Variants in CEP15 observed in about 807,000 individuals in gnomAD.
The protein encoded by CEP15 is centrosomal protein 15, also known as centrosomal protein 15 kDa.
the CEP15 span, chr3:62,336,149 T>TA: frequency 3.9e-5 from 6 of 152,118 alleles, no homozygotes; most frequent in African/African-American, 7.2e-5. This position sits in a 1 kb window ranked among gnomAD's most constrained non-coding sequence, Gnocchi z 4.4. Flanking sequence ...CCTTTTTCCA[T>TA]AAAAAATAAA....
chr3:62,325,670 C>A, the CEP15 span, among the ~76,000 whole-genome samples: 1 of 152,136 alleles, frequency 6.6e-6, no homozygotes, highest in Non-Finnish European at 1.5e-5. Context: ...TTTATAAATA[C>A]TGCCACACTG....
chr3:62,319,102 C>G, the CEP15 span: 1 of 152,326 alleles, frequency 6.6e-6, no homozygotes, highest in African/African-American at 2.4e-5. Context: ...GCCTGACGGC[C>G]GCGCAGGGCC....
chr3:62,320,421 G>A, the CEP15 span: 10 of 1,464,580 alleles, frequency 6.8e-6, no homozygotes, highest in Non-Finnish European at 8.6e-6. Flanking sequence ...GAGGACATGT[G>A]GTAGAAGTAA....
At chr3:62,319,498 G>A in the CEP15 span, 1 of 152,164 alleles carries the variant, frequency 6.6e-6, no homozygotes, top group Non-Finnish European at 1.5e-5. Flanking sequence ...AGGCAGCCAC[G>A]CCCAGAGGAG....
the CEP15 span, among the ~76,000 whole-genome samples, chr3:62,323,162 T>C: frequency 6.6e-6 from 1 of 152,194 alleles, no homozygotes; most frequent in South Asian, 2.1e-4. Flanking sequence ...TCCTTACTAT[T>C]GAGCTAGTTC....
the CEP15 span, among the ~76,000 whole-genome samples, chr3:62,324,411 ATAAAT>A: frequency 6.6e-6 from 1 of 152,162 alleles, no homozygotes; most frequent in Non-Finnish European, 1.5e-5. Context: ...CTGGGGAAAA[ATAAAT>A]AAATAAGACT....
chr3:62,333,301 A>G, the CEP15 span: 1 of 1,611,716 alleles, frequency 6.2e-7, no homozygotes, highest in Non-Finnish European at 8.5e-7. The surrounding 1 kb of genome is among the most constrained non-coding windows in gnomAD (Gnocchi z 4.0). Context: ...AAATGGGAAC[A>G]GTTTCTTTTA....
At chr3:62,334,965 A>G in the CEP15 span, 2 of 151,996 alleles carry the variant, frequency 1.3e-5, no homozygotes, top group African/African-American at 4.8e-5. This position sits in a 1 kb window ranked among gnomAD's most constrained non-coding sequence, Gnocchi z 4.9. Flanking sequence ...GCATATGCAC[A>G]TAAGAAGGTG....
the CEP15 span, chr3:62,322,179 A>G: frequency 1.0e-6 from 1 of 991,940 alleles, no homozygotes; most frequent in Non-Finnish European, 1.5e-6. The surrounding 1 kb of genome is among the most constrained non-coding windows in gnomAD (Gnocchi z 5.5). Flanking sequence ...CTAAAGCAGC[A>G]TCTTTTTTAA....
the CEP15 span, among the ~76,000 whole-genome samples, chr3:62,331,773 T>A: frequency 6.6e-6 from 1 of 152,262 alleles, no homozygotes; most frequent in Non-Finnish European, 1.5e-5. Flanking sequence ...TTTAGTCCCT[T>A]CACCAAAAAT....
the CEP15 span, chr3:62,331,513 T>C: frequency 1.1e-6 from 1 of 897,508 alleles, no homozygotes; most frequent in Non-Finnish European, 1.7e-6. Context: ...TTCAGTAAAT[T>C]AAAGAAGATA....
At chr3:62,330,833 CAT>C in the CEP15 span, among the ~76,000 whole-genome samples, 1 of 152,028 alleles carries the variant, frequency 6.6e-6, no homozygotes, top group Non-Finnish European at 1.5e-5. Flanking sequence ...TTAAATTGAA[CAT>C]TGAATAAATG....
chr3:62,334,224 G>A, the CEP15 span: 47 of 148,454 alleles, frequency 3.2e-4, no homozygotes, highest in South Asian at 9.8e-3. The surrounding 1 kb of genome is among the most constrained non-coding windows in gnomAD (Gnocchi z 4.9). Flanking sequence ...GTCCACCACT[G>A]CTTGAGCACT....
chr3:62,321,204 A>G, the CEP15 span, among the ~76,000 whole-genome samples: 6 of 152,300 alleles, frequency 3.9e-5, no homozygotes, highest in East Asian at 1.2e-3. The surrounding 1 kb of genome is among the most constrained non-coding windows in gnomAD (Gnocchi z 4.1). Flanking sequence ...TAATCATCTT[A>G]CATATTGTCC....
the CEP15 span, chr3:62,320,525 G>C: frequency 3.1e-6 from 5 of 1,608,862 alleles, no homozygotes; most frequent in Middle Eastern, 1.7e-4. Flanking sequence ...ATGAAGAAAT[G>C]TAAGTTTTTT....
chr3:62,334,690 CT>C, the CEP15 span: 9 of 151,866 alleles, frequency 5.9e-5, no homozygotes, highest in African/African-American at 1.9e-4. The surrounding 1 kb of genome is among the most constrained non-coding windows in gnomAD (Gnocchi z 4.9). Flanking sequence ...AGCTAAAAGC[CT>C]TTGAAAAAAG....
At chr3:62,320,567 T>C in the CEP15 span, 1 of 1,497,378 alleles carries the variant, frequency 6.7e-7, no homozygotes. Context: ...GAAATTGGAC[T>C]GGCTTTGTTA....
the CEP15 span, chr3:62,333,705 C>G: frequency 5.4e-6 from 1 of 184,472 alleles, no homozygotes; most frequent in South Asian, 1.3e-4. The surrounding 1 kb of genome is among the most constrained non-coding windows in gnomAD (Gnocchi z 4.0). Flanking sequence ...AATCATTCTC[C>G]TCTAAGCAGG....
At chr3:62,334,176 C>T in the CEP15 span, 3 of 151,028 alleles carry the variant, frequency 2.0e-5, no homozygotes, top group Non-Finnish European at 4.4e-5. The surrounding 1 kb of genome is among the most constrained non-coding windows in gnomAD (Gnocchi z 4.9). Flanking sequence ...AGTCAGAAAG[C>T]GTTGGGTCAC....
Sources: allele counts gnomAD v4.1 joint callset (sites outside exome capture counted in the v4.1 genomes callset), GRCh38; gene constraint gnomAD v4.1.1; non-coding constraint Gnocchi (gnomAD v3.1); transcripts MANE v1.5; gene names NCBI Gene and HGNC (gene_info 2026-07-23, HGNC 2026-07-21).